Variants in TAB2 observed in about 807,000 individuals in gnomAD.
The protein encoded by TAB2 is TGF-beta activated kinase 1 (MAP3K7) binding protein 2.
A neutral mutation model predicts 65.0 loss-of-function variants in TAB2; 3 were observed. That is an observed-to-expected ratio of 0.05 (90% CI 0.02 to 0.12). The LOEUF (loss-of-function observed/expected upper bound fraction) is 0.12. TAB2 is among the 10% of genes least tolerant of loss of function. The pLI, the probability that TAB2 is intolerant of heterozygous loss-of-function variation, is 1.00. For missense variants in TAB2, 623 were observed against 840.3 expected (o/e 0.74, Z 3.20); for synonymous variants, 298 against 285.1 (o/e 1.05, Z -0.46).
At chr6:149,272,186 G>A (rs2114676727) in intron 1 of TAB2, among the ~76,000 whole-genome samples, 1 of 152,326 alleles carries the variant, frequency 6.6e-6, no homozygotes, top group African/African-American at 2.4e-5. Context: ...AAAAATTAGA[G>A]GAGTGTTTCT....
intron 1 of TAB2, among the ~76,000 whole-genome samples, chr6:149,267,496 T>C (rs1170032339): frequency 6.6e-6 from 1 of 152,196 alleles, no homozygotes; most frequent in African/African-American, 2.4e-5. Context: ...TTGTTGTTCA[T>C]TGCCTCTTCT....
intron 1 of TAB2, among the ~76,000 whole-genome samples, chr6:149,354,568 CAAG>C (rs1285805801): frequency 2.3e-4 from 35 of 151,958 alleles, no homozygotes; most frequent in Admixed American, 2.1e-3. Flanking sequence ...TTTATTAGAT[CAAG>C]AAGGTGTATA....
rs1278364835 is a variant in TAB2, at chr6:149,379,502, T to C, written c.1587T>C (p.Asp529=). ...ETRKLSMGSD[D]AAYTQALLVH... ...GGAAACTGAGTATGGGATCTGATGA[T>C]GCTGCCTACACACAAGGTAATATGA... The change falls in exon 3 of 7, where the codon GAT becomes GAC. Residue 529 remains aspartate (D), a synonymous_variant. Coordinates refer to ENST00000637181, the MANE Select transcript of TAB2 (RefSeq NM_001292034.3). 1 of 1,614,166 alleles carries C rather than the reference T, an allele frequency of 6.2e-7. No homozygotes were observed. The highest frequency in any genetic ancestry group is 8.5e-7 in the Non-Finnish European group (1 of 1,180,016).
At chr6:149,237,111 G>A (rs1777509623) in intron 1 of TAB2, among the ~76,000 whole-genome samples, 1 of 152,140 alleles carries the variant, frequency 6.6e-6, no homozygotes. Context: ...AGAATTCCTT[G>A]GAATTTGGCA....
chr6:149,239,077 C>A (rs952273872), intron 1 of TAB2, among the ~76,000 whole-genome samples: 1 of 152,190 alleles, frequency 6.6e-6, no homozygotes, highest in African/African-American at 2.4e-5. Flanking sequence ...GCCAGTGCCT[C>A]ACCAACTGAT....
chr6:149,390,867 TC>T (rs1283783877), intron 3 of TAB2, among the ~76,000 whole-genome samples: 2 of 152,210 alleles, frequency 1.3e-5, no homozygotes, highest in Non-Finnish European at 2.9e-5. Context: ...TTATCTGTTT[TC>T]CTTGGAATTT....
intron 3 of TAB2, among the ~76,000 whole-genome samples, chr6:149,394,628 G>A (rs1487521309): frequency 2.6e-5 from 4 of 152,186 alleles, no homozygotes; most frequent in African/African-American, 7.2e-5. Context: ...TTAGTCAGGA[G>A]TGGAGCTGGG....
At chr6:149,244,610 G>C (rs1199489482) in intron 1 of TAB2, 2 of 152,478 alleles carry the variant, frequency 1.3e-5, no homozygotes, top group Non-Finnish European at 2.9e-5. Flanking sequence ...AGCACTTTGG[G>C]AGGCCGAGGC....
chr6:149,349,890 A>G (rs2114802125), intron 1 of TAB2, among the ~76,000 whole-genome samples: 1 of 152,212 alleles, frequency 6.6e-6, no homozygotes, highest in African/African-American at 2.4e-5. Context: ...CACCAGTGAA[A>G]AATAGTCTCT....
chr6:149,328,204 CAT>C (rs751666040), intron 1 of TAB2, among the ~76,000 whole-genome samples: 3 of 152,244 alleles, frequency 2.0e-5, no homozygotes, highest in Non-Finnish European at 4.4e-5. Context: ...GAGCGTATTT[CAT>C]ATGTCTTCTA....
In TAB2 at chr6:149,284,693, C is replaced by T. The variant is rs988311208; in HGVS notation, c.-121+65917C>T. 2.9e-5 allele frequency among the ~76,000 whole-genome samples: 4 copies of T among 138,962 alleles called. No individual in the cohort carries two copies. The South Asian group carries it at 9.2e-4, about 32-fold the overall frequency. 91.2% of individuals were successfully genotyped at this position (138,962 alleles called of 152,430 possible). ...ACACACACACACACACACACACACA[C>T]AAGAATATAAACAATCTATCCCAAC... On this transcript the variant is annotated intron_variant, in intron 1 of 1. Coordinates refer to the TAB2 transcript ENST00000606202.
intron 3 of TAB2, among the ~76,000 whole-genome samples, chr6:149,383,810 T>G (rs1781699190): frequency 6.6e-6 from 1 of 152,214 alleles, no homozygotes; most frequent in South Asian, 2.1e-4. Flanking sequence ...CTCGAACTCC[T>G]GACCTCAGGC....
At chr6:149,398,169 A>T in intron 5 of TAB2, 107 bp downstream of exon 5, 2 of 980,656 alleles carry the variant, frequency 2.0e-6, no homozygotes, top group Admixed American at 4.0e-5. Context: ...GTCTCAGAAC[A>T]TGTGGCTTTG....
chr6:149,353,971 T>C (rs1780573199), intron 1 of TAB2, among the ~76,000 whole-genome samples: 1 of 152,204 alleles, frequency 6.6e-6, no homozygotes, highest in African/African-American at 2.4e-5. Flanking sequence ...CAAGTTATAT[T>C]TATGCATAAA....
intron 3 of TAB2, among the ~76,000 whole-genome samples, chr6:149,393,555 TA>T: frequency 6.6e-6 from 1 of 152,192 alleles, no homozygotes; most frequent in Admixed American, 6.5e-5. Context: ...TGCCTGCTGT[TA>T]AAGTCTGTCT....
intron 6 of TAB2, among the ~76,000 whole-genome samples, chr6:149,401,863 T>G (rs1449486059): frequency 6.6e-6 from 1 of 151,796 alleles, no homozygotes; most frequent in Non-Finnish European, 1.5e-5. Flanking sequence ...GAATAATCAT[T>G]GAGTCAAGAA....
intron 1 of TAB2, among the ~76,000 whole-genome samples, chr6:149,286,703 T>C (rs557140455): frequency 9.2e-5 from 14 of 152,336 alleles, no homozygotes; most frequent in Admixed American, 4.6e-4. Context: ...GGGGATTCAC[T>C]GAGTATCAAG....
At chr6:149,295,854 C>A (rs1033289276) in intron 1 of TAB2, among the ~76,000 whole-genome samples, 8 of 152,282 alleles carry the variant, frequency 5.3e-5, no homozygotes, top group Non-Finnish European at 1.0e-4. Context: ...CTCACTGCAA[C>A]CTCTGCCTCC....
At chr6:149,383,468 T>G (rs532654288) in intron 3 of TAB2, among the ~76,000 whole-genome samples, 10 of 152,248 alleles carry the variant, frequency 6.6e-5, no homozygotes, top group Non-Finnish European at 1.5e-4. Flanking sequence ...CTACATAGTT[T>G]TGCATTATCT....
Sources: gnomAD v4.1 joint callset for allele counts (sites outside exome capture counted in the v4.1 genomes callset) on GRCh38, gnomAD v4.1.1 for gene constraint, MANE v1.5 for transcripts, NCBI Gene and HGNC (gene_info 2026-07-23, HGNC 2026-07-21) for gene names.